The following LTO1 variants were observed in gnomAD, a reference collection of about 807,000 sequenced individuals.
The protein encoded by LTO1 is protein LTO1 homolog.
LTO1 carries 18 observed loss-of-function variants against 19.8 expected under a neutral mutation model. The ratio of observed to expected loss-of-function variants is 0.91; its 90% CI spans 0.63 to 1.35. LTO1 has a LOEUF of 1.35. Among genes scored for constraint, LTO1 ranks in the 40% most tolerant of loss-of-function variants. The pLI is 0.00. For missense variants in LTO1, 175 were observed against 167.9 expected (o/e 1.04, Z -0.23); for synonymous variants, 59 against 59.6 (o/e 0.99, Z 0.05).
intron 3 of LTO1, among the ~76,000 whole-genome samples, chr11:69,669,816 C>T (rs1175591462): frequency 1.3e-5 from 2 of 152,166 alleles, no homozygotes; most frequent in Non-Finnish European, 1.5e-5. Context: ...CGCAGTTTAC[C>T]GGAAAGCTAG....
chr11:69,674,735 A>G (rs1471436322), intron 1 of LTO1: 3 of 458,436 alleles, frequency 6.5e-6, no homozygotes, highest in Non-Finnish European at 1.3e-5. Context: ...CAGCTCCCCC[A>G]CTGTCGCAGC....
At position 69,671,195 on chromosome 11, in the gene LTO1, G is replaced by A. The variant is rs982810689; in HGVS notation, c.227+554C>T. On this transcript the variant is annotated intron_variant, in intron 3 of 4. Coordinates refer to ENST00000279147, the MANE Select transcript of LTO1 (RefSeq NM_153451.3). Reference sequence around the variant, plus strand: ...ATTATAGGAGTGAGCCACTGCGCCCGGCCGAGAAGAGTTTTTAAAGGCTAA... The same window carrying A: ...ATTATAGGAGTGAGCCACTGCGCCCAGCCGAGAAGAGTTTTTAAAGGCTAA... Among the ~76,000 whole-genome samples the A allele has an allele frequency of 1.1e-4, 17 of 152,168 alleles. 1 individual carries two copies. The highest frequency in any genetic ancestry group is 3.9e-4 in the East Asian group (2 of 5,174).
At chr11:69,673,650 C>G (rs972379490) in intron 1 of LTO1, among the ~76,000 whole-genome samples, 1 of 151,114 alleles carries the variant, frequency 6.6e-6, no homozygotes, top group African/African-American at 2.4e-5. Flanking sequence ...AGATTCAGTA[C>G]GTCTGGAGCA....
At chr11:69,674,948 C>T (rs1426950536) in intron 1 of LTO1, 1 of 690,326 alleles carries the variant, frequency 1.4e-6, no homozygotes, top group Non-Finnish European at 2.6e-6. Flanking sequence ...TTTGGGGCAG[C>T]CCTGACAGGG....
intron 3 of LTO1, chr11:69,668,259 CG>C: frequency 2.4e-6 from 1 of 414,342 alleles, no homozygotes; most frequent in Non-Finnish European, 4.4e-6. Context: ...ATTCCGACCA[CG>C]GGGCCAAGGG....
At chr11:69,675,091 G>T (rs1856170646) in intron 1 of LTO1, 99 bp downstream of exon 1, 1 of 1,087,546 alleles carries the variant, frequency 9.2e-7, no homozygotes. Context: ...ACGCCCAAGG[G>T]ACGCCAGGCT....
rs1478062542 is a variant in LTO1 at position 69,666,734 on chromosome 11, C to A, written c.*785G>T. The stretch of plus-strand genomic sequence containing the variant: ...GACAGTGCAAAGGATATGTCTGGGT[C>A]CCCTCAGGATCAGGTTGGCCTTTCT... On this transcript the variant is annotated 3_prime_UTR_variant, in exon 5 of 5. Transcript: ENST00000279147. 2.0e-5 allele frequency: 3 copies of A among 152,302 alleles called. No individual in the cohort carries two copies. The highest frequency in any genetic ancestry group is 1.9e-4 in the East Asian group (1 of 5,192). The allele number at this position is 152,302 out of a possible 1,614,324, so 9.4% of individuals were successfully genotyped here. A position where few individuals can be genotyped will look rare whatever the true frequency, so the allele number is the denominator to read the frequency against.
At chr11:69,668,181 G>A in intron 3 of LTO1, 169 bp from the exon 4 acceptor site, 1 of 601,688 alleles carries the variant, frequency 1.7e-6, no homozygotes, top group South Asian at 1.9e-5. Context: ...TATTTACCTA[G>A]CAACGAGCTT....
At position 69,665,761 on chromosome 11, in the gene LTO1, C is replaced by G. The variant is rs983977879; in HGVS notation, c.*1758G>C. 6.6e-6 allele frequency: 1 copy of G among 152,194 alleles called. No homozygotes were observed. The highest frequency in any genetic ancestry group is 1.5e-5 in the Non-Finnish European group (1 of 68,038). 9.4% of individuals were successfully genotyped at this position (152,194 alleles called of 1,614,324 possible). A position where few individuals can be genotyped will look rare whatever the true frequency, so the allele number is the denominator to read the frequency against. ...AAGGCACAATGAGGAGATGCCAGCA[C>G]AGACTTCCCCAGACCTGAGGTGACG... On this transcript the variant is annotated 3_prime_UTR_variant, in exon 5 of 5. Coordinates refer to ENST00000279147, the MANE Select transcript of LTO1 (RefSeq NM_153451.3).
intron 3 of LTO1, among the ~76,000 whole-genome samples, chr11:69,669,245 T>G (rs1370799307): frequency 6.6e-6 from 1 of 152,196 alleles, no homozygotes; most frequent in Non-Finnish European, 1.5e-5. Flanking sequence ...GCTGCCTCTA[T>G]GCCGCATTGG....
At chr11:69,671,997 G>A (rs1856116736) in intron 2 of LTO1, 178 bp from the exon 3 acceptor site, 4 of 579,778 alleles carry the variant, frequency 6.9e-6, no homozygotes, top group Non-Finnish European at 1.3e-5. Flanking sequence ...CATCGGTGGG[G>A]CAGCCAGCCT....
intron 3 of LTO1, among the ~76,000 whole-genome samples, chr11:69,668,671 TTTTG>T (rs1417425897): frequency 1.1e-5 from 1 of 93,698 alleles, no homozygotes; most frequent in Non-Finnish European, 2.5e-5. Context: ...TTAATTTCTG[TTTTG>T]TTTTTTTTTT....
chr11:69,671,709 T>C, intron 3 of LTO1, 40 bp downstream of exon 3: 2 of 1,151,786 alleles, frequency 1.7e-6, no homozygotes, highest in Non-Finnish European at 2.6e-6. Context: ...CTAGAACTCC[T>C]GGTTCCTACG....
chr11:69,675,235 G>C lies in LTO1; in HGVS notation c.5C>G (p.Ala2Gly), dbSNP rs145610148. The change falls in exon 1 of 5, where the codon GCT (alanine) becomes GGT (glycine). Residue 2 changes from alanine to glycine, a missense_variant. Ala to Gly is a moderately conservative substitution (Grantham distance 60). Coordinates refer to ENST00000279147, the MANE Select transcript of LTO1 (RefSeq NM_153451.3). M[A>G]GSQDIFDAIV... ...GGCATCGAATATGTCCTGACTGCCAGCCATAGCGGCAAGCAGCCCGCCCTT... is the reference window on the plus strand; with the variant it reads ...GGCATCGAATATGTCCTGACTGCCACCCATAGCGGCAAGCAGCCCGCCCTT... 6.7e-5 allele frequency: 101 copies of C among 1,504,534 alleles called. No homozygotes were observed. The highest frequency in any genetic ancestry group is 8.6e-5 in the Non-Finnish European group (97 of 1,128,386). 93.2% of individuals were successfully genotyped at this position (1,504,534 alleles called of 1,614,324 possible). A position where few individuals can be genotyped will look rare whatever the true frequency, so the allele number is the denominator to read the frequency against.
In LTO1 at chr11:69,672,524, A is replaced by AG. The variant is rs1361560314; in HGVS notation, c.156+691dup. 4 of 153,178 alleles carry AG rather than the reference A, an allele frequency of 2.6e-5. No individual in the cohort carries two copies. The East Asian group carries it at 7.5e-4, about 29-fold the overall frequency. 9.5% of individuals were successfully genotyped at this position (153,178 alleles called of 1,614,324 possible). A position where few individuals can be genotyped will look rare whatever the true frequency, so the allele number is the denominator to read the frequency against. On this transcript the variant is annotated intron_variant, in intron 2 of 4. Coordinates refer to ENST00000279147, the MANE Select transcript of LTO1 (RefSeq NM_153451.3). ...CCAATCTAGGACAAAGGGCAAGAAG[A>AG]GAAAAAAAAAAATCATAAAGTTAAT...
At chr11:69,673,009 T>A in intron 2 of LTO1, 1 of 608,162 alleles carries the variant, frequency 1.6e-6, no homozygotes, top group Non-Finnish European at 3.1e-6. Context: ...ACCATGTTGG[T>A]CAGGCTGGTC....
In LTO1 at chr11:69,675,302, C is replaced by A. The variant is rs1019637916; in HGVS notation, c.-63G>T. 3.8e-6 allele frequency: 5 copies of A among 1,324,082 alleles called. No homozygotes were observed. The highest frequency in any genetic ancestry group is 5.1e-6 in the Non-Finnish European group (5 of 989,006). 82.0% of individuals were successfully genotyped at this position (1,324,082 alleles called of 1,614,324 possible). The stretch of plus-strand genomic sequence containing the variant: ...CAGCCCCGCGGTGCCGTAGCAGACC[C>A]GGCAGCTTCAGGCACAAATGCTCCG... On this transcript the variant is annotated 5_prime_UTR_variant, in exon 1 of 5. Transcript: ENST00000279147.
At position 69,667,597 on chromosome 11, in the gene LTO1, CAA is replaced by C. The variant is rs1856051243; in HGVS notation, c.346-12_346-11del. Reference sequence around the variant, plus strand: ...TGAGTAACGAACAAAACTGAAAACACAAAAGAGATGGTATTTTTAATCTTGTG... The same window carrying C: ...TGAGTAACGAACAAAACTGAAAACACAAGAGATGGTATTTTTAATCTTGTG... On this transcript the variant is annotated splice_polypyrimidine_tract_variant and intron_variant, in intron 4 of 4. Coordinates refer to ENST00000279147, the MANE Select transcript of LTO1 (RefSeq NM_153451.3). 6 of 1,575,786 alleles carry C rather than the reference CAA, an allele frequency of 3.8e-6. No homozygotes were observed. The highest frequency in any genetic ancestry group is 4.4e-6 in the Non-Finnish European group (5 of 1,145,282).
At position 69,675,291 on chromosome 11, in the gene LTO1, C is replaced by A. The variant is rs1471465201; in HGVS notation, c.-52G>T. On this transcript the variant is annotated 5_prime_UTR_variant, in exon 1 of 5. Coordinates refer to ENST00000279147, the MANE Select transcript of LTO1 (RefSeq NM_153451.3). ...CCGGGTTTCTGCAGCCCCGCGGTGC[C>A]GTAGCAGACCCGGCAGCTTCAGGCA... The A allele has an allele frequency of 1.0e-5, 14 of 1,385,074 alleles. No homozygotes were observed. The highest frequency in any genetic ancestry group is 1.5e-5 in the African/African-American group (1 of 67,004). 85.8% of individuals were successfully genotyped at this position (1,385,074 alleles called of 1,614,324 possible).
Sources: gnomAD v4.1 joint callset for allele counts (sites outside exome capture counted in the v4.1 genomes callset) on GRCh38, gnomAD v4.1.1 for gene constraint, MANE v1.5 for transcripts, NCBI Gene and HGNC (gene_info 2026-07-23, HGNC 2026-07-21) for gene names.